The following MUC5B variants were observed in gnomAD, a reference collection of about 807,000 sequenced individuals.
MUC5B encodes mucin-5B.
A neutral mutation model predicts 376.9 loss-of-function variants in MUC5B; 116 were observed. The ratio of observed to expected loss-of-function variants is 0.31; its 90% CI spans 0.26 to 0.36. The LOEUF (loss-of-function observed/expected upper bound fraction) is 0.36, where lower values mean the gene tolerates loss of function less well. MUC5B is among the 10% of genes least tolerant of loss of function. MUC5B has a pLI of 1.00. For missense variants in MUC5B, 7,165 were observed against 7,769.9 expected (o/e 0.92, Z 2.93); for synonymous variants, 3,517 against 3,390.9 (o/e 1.04, Z -1.29).
chr11:1,230,273 C>T lies in MUC5B; in HGVS notation c.1359+130C>T, dbSNP rs1040665043. On this transcript the variant is annotated intron_variant, in intron 11 of 48. Coordinates refer to ENST00000529681, the MANE Select transcript of MUC5B (RefSeq NM_002458.3). ...CCCTGCTGAGGGGGGAGCCCTGGGTCCCCATGATGGTCATAGAGGGATGGC... is the reference window on the plus strand; with the variant it reads ...CCCTGCTGAGGGGGGAGCCCTGGGTTCCCATGATGGTCATAGAGGGATGGC... 5 of 1,342,138 alleles carry T rather than the reference C, an allele frequency of 3.7e-6. No homozygotes were observed. In the East Asian group the frequency reaches 1.2e-4, roughly 31 times the overall value. The allele number at this position is 1,342,138 out of a possible 1,614,324, so 83.1% of individuals were successfully genotyped here.
chr11:1,249,134 C>T lies in MUC5B; in HGVS notation c.12254C>T (p.Thr4085Ile). Residue 4085 changes from threonine (T) to isoleucine (I), a missense_variant, in exon 31 of 49, where the codon ACC (threonine) becomes ATC (isoleucine). Coordinates refer to ENST00000529681, the MANE Select transcript of MUC5B (RefSeq NM_002458.3). ...TTESPPSPGT[T>I]TPGHTTATSR... ...GAGTCACCCCCTTCCCCAGGGACGA[C>T]CACCCCGGGCCACACCACGGCCACC... 2 of 1,611,372 alleles carry T rather than the reference C, an allele frequency of 1.2e-6. No homozygotes were observed. Among genetic ancestry groups the T allele is most frequent in the African/African-American group, 1.3e-5 (1 of 74,848 alleles).
At chr11:1,236,655 C>A (rs935253386) in intron 24 of MUC5B, 93 bp downstream of exon 24, 4 of 1,355,804 alleles carry the variant, frequency 3.0e-6, no homozygotes, top group Non-Finnish European at 4.0e-6. Flanking sequence ...ACTCGCTGAC[C>A]CGTGGGTGCG....
At position 1,230,534 on chromosome 11, in the gene MUC5B, G is replaced by A. The variant is rs1862003088; in HGVS notation, c.1404G>A (p.Lys468=). 3 of 1,611,692 alleles carry A rather than the reference G, an allele frequency of 1.9e-6. No individual in the cohort carries two copies. Among genetic ancestry groups the A allele is most frequent in the East Asian group, 4.5e-5 (2 of 44,868 alleles). Residue 468 remains lysine, a synonymous_variant, in exon 12 of 49, where the codon AAG becomes AAA. Coordinates refer to ENST00000529681, the MANE Select transcript of MUC5B (RefSeq NM_002458.3). ...SSFTVLAELR[K]CGLTDNENCL... is the part of the protein sequence containing the mutation. ...TCACCGTGCTGGCTGAGCTGCGGAAGTGCGGCCTGACGGACAACGAGAACT... is the reference window on the plus strand; with the variant it reads ...TCACCGTGCTGGCTGAGCTGCGGAAATGCGGCCTGACGGACAACGAGAACT...
rs1862440083 is a variant in MUC5B at position 1,245,810 on chromosome 11, C to G, written c.8930C>G (p.Thr2977Ser). The G allele has an allele frequency of 6.2e-7, 1 of 1,613,392 alleles. No homozygotes were observed. Among genetic ancestry groups the G allele is most frequent in the African/African-American group, 1.3e-5 (1 of 74,712 alleles). Residue 2977 changes from threonine (T) to serine (S), a missense_variant, in exon 31 of 49, where the codon ACC (threonine) becomes AGC (serine). Physicochemically the swap from Thr to Ser is moderately conservative, Grantham distance 58. Transcript: ENST00000529681. ...NYGHCPSTPA[T>S]SSTATPSSTP... ...GGCCACTGCCCCAGCACCCCGGCCA[C>G]CAGCTCTACGGCCACGCCCTCCTCC...
chr11:1,236,595 A>G (rs1272494485), intron 24 of MUC5B, 33 bp downstream of exon 24: 1 of 1,596,680 alleles, frequency 6.3e-7, no homozygotes. Context: ...TAGGCCCTGC[A>G]GGACCCTCTC....
At chr11:1,226,432 G>C in intron 3 of MUC5B, 156 bp downstream of exon 3, 1 of 1,278,092 alleles carries the variant, frequency 7.8e-7, no homozygotes, top group South Asian at 1.3e-5. Flanking sequence ...GGCCACCCTG[G>C]GGGATGGGGA....
In MUC5B at chr11:1,223,115, G is replaced by A; in HGVS notation, c.-9G>A. ...CGTCCCCGTCCCCCCACCCGTGCCA[G>A]CCCCCAGGATGGGTGCCCCGAGCGC... On this transcript the variant is annotated 5_prime_UTR_variant, in exon 1 of 49. Transcript: ENST00000529681. 1 of 662,456 alleles carries A rather than the reference G, an allele frequency of 1.5e-6. No individual in the cohort carries two copies. Among genetic ancestry groups the A allele is most frequent in the Non-Finnish European group, 2.8e-6 (1 of 360,304 alleles). 41.0% of individuals were successfully genotyped at this position (662,456 alleles called of 1,614,324 possible). A position where few individuals can be genotyped will look rare whatever the true frequency, so the allele number is the denominator to read the frequency against.
intron 31 of MUC5B, among the ~76,000 whole-genome samples, chr11:1,252,069 C>T (rs1329702265): frequency 8.6e-5 from 13 of 150,924 alleles, no homozygotes; most frequent in Admixed American, 5.3e-4. Context: ...GGCCACAATC[C>T]GTCCGCACTG....
intron 48 of MUC5B, among the ~76,000 whole-genome samples, chr11:1,261,155 C>T (rs962243967): frequency 6.6e-6 from 1 of 152,218 alleles, no homozygotes. Flanking sequence ...GGAGCTGGTT[C>T]AGACAGGGGA....
chr11:1,224,088 G>A (rs536296932), intron 1 of MUC5B, among the ~76,000 whole-genome samples: 2 of 152,342 alleles, frequency 1.3e-5, no homozygotes, highest in South Asian at 4.1e-4. Flanking sequence ...CAAGGTTTGG[G>A]GGCTGGTTTG....
Position 1,247,580 on chromosome 11 carries a change from T to C in MUC5B, c.10700T>C (p.Val3567Ala), listed in dbSNP as rs1862529630. 1.2e-6 allele frequency: 2 copies of C among 1,610,902 alleles called. No homozygotes were observed. Among genetic ancestry groups the C allele is most frequent in the Non-Finnish European group, 1.7e-6 (2 of 1,179,414 alleles). The part of the protein sequence containing the change: ...SPTSAPITTV[V>A]TTGCEPQCAW... ...ACATCGGCCCCCATAACCACGGTGG[T>C]GACCACGGGCTGTGAGCCCCAGTGT... Residue 3567 changes from valine to alanine, a missense_variant, in exon 31 of 49, where the codon GTG becomes GCG. Physicochemically the swap from Val to Ala is moderately conservative, Grantham distance 64 (BLOSUM62 0). This residue lies in a region of MUC5B where 81 missense variants were observed against 154.5 expected (regional missense o/e 0.52). Transcript: ENST00000529681.
chr11:1,260,471 G>A, intron 47 of MUC5B, 78 bp downstream of exon 47: 1 of 1,544,772 alleles, frequency 6.5e-7, no homozygotes, highest in Non-Finnish European at 8.9e-7. Context: ...CCAGACATCT[G>A]CACTAGGCAG....
intron 38 of MUC5B, 173 bp from the exon 39 acceptor site, chr11:1,256,498 A>AC (rs56052035): frequency 0.023 from 808 of 35,298 alleles, 5 homozygotes; most frequent in African/African-American, 0.19. Context: ...AGCCCCGCCC[A>AC]CCCCCACCCC....
At position 1,255,132 on chromosome 11, in the gene MUC5B, C is replaced by A. The variant is rs760149821; in HGVS notation, c.15756C>A (p.Val5252=). The A allele has an allele frequency of 3.0e-5, 47 of 1,577,180 alleles. No individual in the cohort carries two copies. Among genetic ancestry groups the A allele is most frequent in the Non-Finnish European group, 4.0e-5 (46 of 1,163,156 alleles). Residue 5252 remains valine (V), a synonymous_variant, in exon 36 of 49, where the codon GTC becomes GTA. Transcript: ENST00000529681. The part of the protein sequence containing the change: ...SCKDMAKTWL[V]PDSRKDGCWA... ...AGGACATGGCCAAGACGTGGCTGGT[C>A]CCCGACAGCAGAAAGGATGGCTGCT...
chr11:1,233,820 C>T lies in MUC5B; in HGVS notation c.2349C>T (p.Cys783=), dbSNP rs1160023568. The T allele has an allele frequency of 1.2e-6, 2 of 1,605,596 alleles. No individual in the cohort carries two copies. Among genetic ancestry groups the T allele is most frequent in the East Asian group, 2.2e-5 (1 of 44,490 alleles). Residue 783 remains cysteine (C), a synonymous_variant, in exon 19 of 49, where the codon TGC becomes TGT. Transcript: ENST00000529681. ...CATGTACGGGTGGGAAGCTAAGCTG[C>T]CTGGGAGCCTCTCTGCAGAAAAGCA... ...VCSCTGGKLS[C]LGASLQKSTG...
chr11:1,227,212 G>A, intron 5 of MUC5B, 67 bp downstream of exon 5: 2 of 1,577,530 alleles, frequency 1.3e-6, no homozygotes, highest in Non-Finnish European at 1.7e-6. Context: ...GGGGTCGAGG[G>A]ATGCCTCCCT....
Position 1,246,442 on chromosome 11 carries a change from G to T in MUC5B, c.9562G>T (p.Ala3188Ser). The change falls in exon 31 of 49, where the codon GCA (alanine) becomes TCA (serine). Residue 3188 changes from alanine (A) to serine (S), a missense_variant. Physicochemically the swap from Ala to Ser is moderately conservative, Grantham distance 99. Transcript: ENST00000529681. ...GSTATASSTR[A>S]TAGTLKVLTS... ...CACGGCCACCGCCTCCTCCACCCGG[G>T]CAACTGCTGGCACCCTCAAAGTGCT... is the stretch of plus-strand genomic sequence containing the variant. 1 of 1,613,144 alleles carries T rather than the reference G, an allele frequency of 6.2e-7. No homozygotes were observed. The highest frequency in any genetic ancestry group is 8.5e-7 in the Non-Finnish European group (1 of 1,179,684).
At chr11:1,232,975 G>C (rs767812950) in intron 17 of MUC5B, 38 bp from the exon 18 acceptor site, 1 of 1,524,684 alleles carries the variant, frequency 6.6e-7, no homozygotes, top group Admixed American at 2.0e-5. Context: ...CAGGCTGCTC[G>C]GCCGCTGACC....
At chr11:1,233,724 C>T (rs1037226045) in intron 18 of MUC5B, 69 bp from the exon 19 acceptor site, 16 of 1,499,870 alleles carry the variant, frequency 1.1e-5, no homozygotes, top group South Asian at 3.6e-5. Context: ...GGCGGGGGCT[C>T]GGAAGCCCGG....
Sources: allele counts gnomAD v4.1 joint callset (sites outside exome capture counted in the v4.1 genomes callset), GRCh38; gene constraint gnomAD v4.1.1; regional missense constraint gnomAD v4.1.1; transcripts MANE v1.5; gene names NCBI Gene and HGNC (gene_info 2026-07-23, HGNC 2026-07-21).